Variants in SYNE1 observed in about 807,000 individuals in gnomAD.
SYNE1 encodes nesprin-1.
SYNE1 carries 616 observed loss-of-function variants against 1,111.0 expected under a neutral mutation model. That is an observed-to-expected ratio of 0.55 (90% CI 0.52 to 0.59). The LOEUF (loss-of-function observed/expected upper bound fraction) is 0.59, where lower values mean the gene tolerates loss of function less well. SYNE1 is among the 20% of genes least tolerant of loss of function. The probability of loss-of-function intolerance (pLI) is 0.00; values close to 1 mark genes in which losing one functional copy is unlikely to be tolerated. For missense variants in SYNE1, 10,006 were observed against 10,417.0 expected (o/e 0.96, Z 1.72); for synonymous variants, 3,855 against 3,825.8 (o/e 1.01, Z -0.28).
chr6:152,324,003 A>C (rs1381465941), intron 81 of SYNE1, among the ~76,000 whole-genome samples: 2 of 152,202 alleles, frequency 1.3e-5, no homozygotes, highest in Non-Finnish European at 2.9e-5. Context: ...TTAAAAAAAA[A>C]CTAAGCAAAC....
At position 152,301,915 on chromosome 6, in the gene SYNE1, T is replaced by A. The variant is rs2153813054; in HGVS notation, c.17495A>T (p.Asp5832Val). Residue 5832 changes from aspartate to valine, a missense_variant, in exon 92 of 146, where the codon GAT (aspartate) becomes GTT (valine). By Grantham distance (152) the Asp-to-Val change is radical (BLOSUM62 -3). Coordinates refer to ENST00000367255, the MANE Select transcript of SYNE1 (RefSeq NM_182961.4). ...CGAAGGCGTGGGGAGGAGCTCCCCA[T>A]CCAGGTCCTCTGTCCCTTCCGCCAG... ...EGLAEGTEDL[D>V]GELLPTPSAH... The A allele has an allele frequency of 6.2e-7, 1 of 1,614,094 alleles. No individual in the cohort carries two copies. The highest frequency in any genetic ancestry group is 2.2e-5 in the East Asian group (1 of 44,862).
rs376768853 is a variant in SYNE1 at position 152,253,423 on chromosome 6, C to T, written c.19470+1457G>A. Among the ~76,000 whole-genome samples the T allele has an allele frequency of 1.4e-4, 21 of 152,216 alleles. No individual in the cohort carries two copies. In the South Asian group the frequency reaches 3.3e-3, roughly 24 times the overall value. Reference sequence around the variant, plus strand: ...TAAACACATCTCAACTCATTTCATCCTCACCACAGTCTATGAGGCAGTTAA... The same window carrying T: ...TAAACACATCTCAACTCATTTCATCTTCACCACAGTCTATGAGGCAGTTAA... On this transcript the variant is annotated intron_variant, in intron 104 of 145. Coordinates refer to ENST00000367255, the MANE Select transcript of SYNE1 (RefSeq NM_182961.4).
At chr6:152,534,907 T>C (rs2099226662) in intron 4 of SYNE1, among the ~76,000 whole-genome samples, 1 of 152,244 alleles carries the variant, frequency 6.6e-6, no homozygotes, top group Non-Finnish European at 1.5e-5. Flanking sequence ...ATCCAAAATG[T>C]TCCTTTTAAA....
chr6:152,266,692 TTTTTG>T (rs1213439120), intron 100 of SYNE1, among the ~76,000 whole-genome samples: 2 of 152,214 alleles, frequency 1.3e-5, no homozygotes, highest in African/African-American at 4.8e-5. Flanking sequence ...CTTTCACAGA[TTTTTG>T]TTTTGTTTTC....
At chr6:152,399,378 C>T (rs2097778857) in intron 48 of SYNE1, among the ~76,000 whole-genome samples, 3 of 152,122 alleles carry the variant, frequency 2.0e-5, no homozygotes, top group Admixed American at 6.6e-5. Flanking sequence ...AATTCAGAAT[C>T]ATCAAGATGG....
At position 152,239,662 on chromosome 6, in the gene SYNE1, T is replaced by C; in HGVS notation, c.19938A>G (p.Thr6646=). ...GLESHMILTE[T]LFRKIISFAV... ...CAAAGCTGATTATCTTTCTGAAGAG[T>C]GTTTCAGTCAAGATCATATGAGATT... Residue 6646 remains threonine, a synonymous_variant, in exon 108 of 146, where the codon ACA becomes ACG. Coordinates refer to ENST00000367255, the MANE Select transcript of SYNE1 (RefSeq NM_182961.4). 6.2e-7 allele frequency: 1 copy of C among 1,614,100 alleles called. No homozygotes were observed. Among genetic ancestry groups the C allele is most frequent in the Non-Finnish European group, 8.5e-7 (1 of 1,180,026 alleles).
At chr6:152,207,853 G>A (rs1041344857) in intron 125 of SYNE1, 119 bp downstream of exon 125, 2 of 932,312 alleles carry the variant, frequency 2.1e-6, no homozygotes, top group Non-Finnish European at 3.5e-6. Flanking sequence ...TGACATTTGA[G>A]AACAATGTTT....
chr6:152,258,209 C>T (rs1253879934), intron 101 of SYNE1, among the ~76,000 whole-genome samples: 2 of 152,054 alleles, frequency 1.3e-5, no homozygotes, highest in Non-Finnish European at 2.9e-5. Flanking sequence ...CATGATAGAA[C>T]CTGAGTTTTC....
intron 91 of SYNE1, among the ~76,000 whole-genome samples, chr6:152,303,270 AT>A (rs2095264367): frequency 6.6e-6 from 1 of 151,774 alleles, no homozygotes; most frequent in Admixed American, 6.6e-5. Flanking sequence ...CCTGGCCAAC[AT>A]GGTGAAACCC....
intron 56 of SYNE1, among the ~76,000 whole-genome samples, chr6:152,377,654 T>TATATATATATATATAC (rs1554582400): frequency 6.0e-4 from 64 of 106,558 alleles, no homozygotes; most frequent in African/African-American, 2.0e-3. Flanking sequence ...TATATATATA[T>TATATATATATATATAC]ATATATATAT....
intron 142 of SYNE1, 156 bp downstream of exon 142, chr6:152,134,948 T>C (rs924573503): frequency 7.9e-6 from 7 of 891,198 alleles, no homozygotes; most frequent in Non-Finnish European, 1.2e-5. Context: ...TTACAAAGAT[T>C]GGAAACCACA....
intron 78 of SYNE1, among the ~76,000 whole-genome samples, chr6:152,327,075 T>C (rs1344902464): frequency 2.0e-5 from 3 of 152,088 alleles, no homozygotes; most frequent in African/African-American, 7.2e-5. Flanking sequence ...GGCAGATCAC[T>C]TGAGGCCAGG....
At chr6:152,498,034 T>C (rs370493228) in intron 11 of SYNE1, among the ~76,000 whole-genome samples, 4 of 152,178 alleles carry the variant, frequency 2.6e-5, no homozygotes, top group East Asian at 3.8e-4. Flanking sequence ...CCTCATACTT[T>C]ATGGAGCATG....
At chr6:152,227,359 A>G (rs2081828477) in intron 115 of SYNE1, among the ~76,000 whole-genome samples, 1 of 152,176 alleles carries the variant, frequency 6.6e-6, no homozygotes, top group Admixed American at 6.5e-5. Flanking sequence ...TTTCAGTGCA[A>G]ATTTATTTAT....
At chr6:152,488,264 TAATG>T in intron 12 of SYNE1, 128 bp downstream of exon 12, 1 of 607,196 alleles carries the variant, frequency 1.6e-6, no homozygotes, top group Non-Finnish European at 2.9e-6. Context: ...AAACTTAGGG[TAATG>T]AATGTTATGT....
At chr6:152,524,204 T>G (rs916785064) in intron 5 of SYNE1, among the ~76,000 whole-genome samples, 1 of 152,192 alleles carries the variant, frequency 6.6e-6, no homozygotes, top group African/African-American at 2.4e-5. Flanking sequence ...ATGGCTTTTA[T>G]TATTTTGAGG....
At chr6:152,353,519 T>G in intron 68 of SYNE1, 70 bp downstream of exon 68, 3 of 1,612,062 alleles carry the variant, frequency 1.9e-6, no homozygotes, top group Non-Finnish European at 1.7e-6. Flanking sequence ...CACTGGATGT[T>G]AGTGAAAGGA....
chr6:152,170,727 A>C (rs934273566), intron 130 of SYNE1, among the ~76,000 whole-genome samples: 4 of 152,154 alleles, frequency 2.6e-5, no homozygotes, highest in Non-Finnish European at 4.4e-5. Flanking sequence ...TATGTGTTTT[A>C]CCTCCACAGC....
chr6:152,386,829 A>C (rs1427718823), intron 54 of SYNE1, among the ~76,000 whole-genome samples: 6 of 152,214 alleles, frequency 3.9e-5, no homozygotes, highest in African/African-American at 1.4e-4. Flanking sequence ...AAAATAAGCA[A>C]TAAAGAATAA....
Sources: allele counts gnomAD v4.1 joint callset (sites outside exome capture counted in the v4.1 genomes callset), GRCh38; gene constraint gnomAD v4.1.1; transcripts MANE v1.5; gene names NCBI Gene and HGNC (gene_info 2026-07-23, HGNC 2026-07-21).